Variants in DNAH6 observed in about 807,000 individuals in gnomAD.
The protein encoded by DNAH6 is dynein axonemal heavy chain 6, also known as axonemal beta dynein heavy chain 6.
A neutral mutation model predicts 491.4 loss-of-function variants in DNAH6; 340 were observed. The ratio of observed to expected loss-of-function variants is 0.69; its 90% CI spans 0.63 to 0.76. The LOEUF is 0.76. Ranked by LOEUF, DNAH6 falls within the 30% of genes least tolerant of loss-of-function variation. DNAH6 has a pLI of 0.00. For synonymous variants in DNAH6, 1,603 were observed against 1,686.1 expected (o/e 0.95, Z 1.21); for missense variants, 4,443 against 4,972.2 (o/e 0.89, Z 3.20).
At chr2:84,679,282 G>T (rs1693547377) in intron 41 of DNAH6, among the ~76,000 whole-genome samples, 1 of 152,050 alleles carries the variant, frequency 6.6e-6, no homozygotes, top group Non-Finnish European at 1.5e-5. Context: ...GTGCATATAT[G>T]CAGGGAGCGC....
Position 84,517,905 on chromosome 2 carries a change from C to G in DNAH6, c.79C>G (p.Leu27Val), listed in dbSNP as rs944966058. 4.5e-6 allele frequency: 7 copies of G among 1,551,564 alleles called. No individual in the cohort carries two copies. The highest frequency in any genetic ancestry group is 6.1e-6 in the Non-Finnish European group (7 of 1,146,986). Reference protein sequence around the residue: ...EYAENSALSRLNNIKAKQRVS... With the variant: ...EYAENSALSRVNNIKAKQRVS... ...TGCCGAAAATTCTGCACTTTCAAGACTGAATAATATAAAAGCCAAACAAAG... is the reference window on the plus strand; with the variant it reads ...TGCCGAAAATTCTGCACTTTCAAGAGTGAATAATATAAAAGCCAAACAAAG... The change falls in exon 2 of 77, where the codon CTG becomes GTG. Residue 27 changes from leucine to valine, a missense_variant. Leu to Val is a conservative substitution (Grantham distance 32). Transcript: ENST00000389394.
intron 37 of DNAH6, among the ~76,000 whole-genome samples, chr2:84,663,926 G>A (rs1410440196): frequency 1.3e-5 from 2 of 152,188 alleles, no homozygotes; most frequent in Admixed American, 1.3e-4. Context: ...AGCCAAAAGA[G>A]AGTGGTGGCC....
In DNAH6 at chr2:84,669,371, C is replaced by T; in HGVS notation, c.6167C>T (p.Thr2056Ile). 1 of 1,546,904 alleles carries T rather than the reference C, an allele frequency of 6.5e-7. No individual in the cohort carries two copies. Among genetic ancestry groups the T allele is most frequent in the Non-Finnish European group, 8.8e-7 (1 of 1,142,312 alleles). ...GATCCCTGGGAACGAATCATACCTA[C>T]TTTCAAATACAACCGAGATGTTCCA... ...RLDPWERIIP[T>I]FKYNRDVPFF... Residue 2056 changes from threonine to isoleucine, a missense_variant, in exon 38 of 77, where the codon ACT becomes ATT. Around this residue, in one of 3 missense-constraint regions of DNAH6, gnomAD observed 2,977 missense variants for 3,296.6 expected, o/e 0.90. Coordinates refer to ENST00000389394, the MANE Select transcript of DNAH6 (RefSeq NM_001370.2).
At chr2:84,630,369 T>A (rs893613708) in intron 29 of DNAH6, among the ~76,000 whole-genome samples, 3 of 152,186 alleles carry the variant, frequency 2.0e-5, no homozygotes, top group Non-Finnish European at 4.4e-5. Flanking sequence ...ATATACAAGC[T>A]ATGAATTATT....
intron 70 of DNAH6, among the ~76,000 whole-genome samples, chr2:84,798,227 G>A (rs1678524999): frequency 6.6e-6 from 1 of 152,182 alleles, no homozygotes; most frequent in South Asian, 2.1e-4. Flanking sequence ...TCTTCAGCAT[G>A]CACTCGAAGC....
At position 84,544,013 on chromosome 2, in the gene DNAH6, T is replaced by C. The variant is rs79093163; in HGVS notation, c.663-220T>C. 0.028 allele frequency among the ~76,000 whole-genome samples: 4,337 copies of C among 152,214 alleles called. 222 individuals are homozygous for C. Among genetic ancestry groups the C allele is most frequent in the African/African-American group, 0.099 (4,099 of 41,534 alleles). ...CATGTAACTGAAATCATCAAGCCAA[T>C]ATTGCCACAGTTGTGAAATCTTTTT... is the stretch of plus-strand genomic sequence containing the variant. On this transcript the variant is annotated intron_variant, in intron 4 of 76. Coordinates refer to ENST00000389394, the MANE Select transcript of DNAH6 (RefSeq NM_001370.2).
chr2:84,580,301 CACACACAT>C (rs1256314656), intron 14 of DNAH6, among the ~76,000 whole-genome samples: 1 of 87,082 alleles, frequency 1.1e-5, no homozygotes, highest in Admixed American at 1.5e-4. Context: ...CTCTCTTATA[CACACACAT>C]ACACACGCAC....
intron 68 of DNAH6, among the ~76,000 whole-genome samples, chr2:84,795,012 G>T (rs1289722791): frequency 1.3e-5 from 2 of 149,976 alleles, no homozygotes; most frequent in Non-Finnish European, 3.0e-5. Context: ...AAAATGATGA[G>T]TTCATGTCCT....
the DNAH6 span, among the ~76,000 whole-genome samples, chr2:84,494,794 T>C: frequency 1.3e-5 from 2 of 152,362 alleles, no homozygotes; most frequent in Non-Finnish European, 2.9e-5. Context: ...GCAGACTTAC[T>C]GGACACCAAT....
intron 45 of DNAH6, among the ~76,000 whole-genome samples, chr2:84,692,697 A>C (rs1360611201): frequency 6.6e-6 from 1 of 152,124 alleles, no homozygotes; most frequent in Non-Finnish European, 1.5e-5. Context: ...CATACTGGTC[A>C]CCTTTATACT....
chr2:84,624,814 T>C (rs1687709112), intron 28 of DNAH6, 88 bp from the exon 29 acceptor site: 2 of 1,360,958 alleles, frequency 1.5e-6, no homozygotes, highest in South Asian at 1.6e-5. Context: ...TCATAGAAAA[T>C]AATAATCCTT....
intron 64 of DNAH6, chr2:84,777,384 G>C (rs1320703209): frequency 4.6e-6 from 2 of 432,194 alleles, no homozygotes; most frequent in East Asian, 8.9e-5. Context: ...AAAATGCAAG[G>C]AACATTAAGG....
intron 22 of DNAH6, among the ~76,000 whole-genome samples, chr2:84,615,013 C>G (rs140428135): frequency 7.3e-4 from 110 of 151,720 alleles, no homozygotes; most frequent in African/African-American, 2.5e-3. Context: ...TGTGCAGAAG[C>G]TTTTAAGTTT....
intron 10 of DNAH6, among the ~76,000 whole-genome samples, chr2:84,557,205 T>C (rs1391544304): frequency 6.6e-6 from 1 of 152,198 alleles, no homozygotes; most frequent in Non-Finnish European, 1.5e-5. Flanking sequence ...TCACCATGTG[T>C]TGCAATTTTT....
intron 62 of DNAH6, among the ~76,000 whole-genome samples, chr2:84,741,779 G>A (rs906318201): frequency 2.0e-5 from 3 of 152,184 alleles, no homozygotes; most frequent in Non-Finnish European, 2.9e-5. Flanking sequence ...CACCAGGCTC[G>A]GATTCCTGTG....
At chr2:84,749,967 A>G (rs879199034) in intron 63 of DNAH6, among the ~76,000 whole-genome samples, 12 of 152,184 alleles carry the variant, frequency 7.9e-5, no homozygotes, top group Admixed American at 7.9e-4. Context: ...ATCTCTATGT[A>G]TAAGCTTTAT....
At chr2:84,543,657 T>G (rs1359340752) in intron 4 of DNAH6, among the ~76,000 whole-genome samples, 2 of 152,210 alleles carry the variant, frequency 1.3e-5, no homozygotes, top group Admixed American at 6.5e-5. Flanking sequence ...TTGCTTCTTT[T>G]CTTTACTTGA....
Position 84,669,353 on chromosome 2 carries a change from G to C in DNAH6, c.6149G>C (p.Trp2050Ser). 6.5e-7 allele frequency: 1 copy of C among 1,548,104 alleles called. No homozygotes were observed. The highest frequency in any genetic ancestry group is 2.4e-5 in the East Asian group (1 of 40,916). Residue 2050 changes from tryptophan to serine, a missense_variant, in exon 38 of 77, where the codon TGG becomes TCG. Trp to Ser is a radical substitution (Grantham distance 177). Coordinates refer to ENST00000389394, the MANE Select transcript of DNAH6 (RefSeq NM_001370.2). ...MDFDTKRLDP[W>S]ERIIPTFKYN... ...TTTGACACCAAACGGCTGGATCCCTGGGAACGAATCATACCTACTTTCAAA... is the reference window on the plus strand; with the variant it reads ...TTTGACACCAAACGGCTGGATCCCTCGGAACGAATCATACCTACTTTCAAA...
chr2:84,592,460 T>C (rs1684206078), intron 16 of DNAH6, among the ~76,000 whole-genome samples: 1 of 152,164 alleles, frequency 6.6e-6, no homozygotes, highest in Non-Finnish European at 1.5e-5. Flanking sequence ...TTGGCAAGGA[T>C]GTGAAGACAC....
Sources: allele counts gnomAD v4.1 joint callset (sites outside exome capture counted in the v4.1 genomes callset), GRCh38; gene constraint gnomAD v4.1.1; regional missense constraint gnomAD v4.1.1; transcripts MANE v1.5; gene names NCBI Gene and HGNC (gene_info 2026-07-23, HGNC 2026-07-21).